NRBP1: variants seen among roughly 807,000 people sequenced by gnomAD.
NRBP1 encodes the protein nuclear receptor binding protein 1, also known as nuclear receptor-binding protein.
Under a neutral mutation model 76.0 loss-of-function variants are expected in NRBP1, and 10 were observed. The observed-to-expected ratio is 0.13, with a 90% CI of 0.08 to 0.22. The LOEUF is 0.22. NRBP1 is among the 10% of genes least tolerant of loss of function. NRBP1 has a pLI of 1.00. For synonymous variants in NRBP1, 235 were observed against 240.2 expected, an observed-to-expected ratio of 0.98 and a Z score of 0.20; for missense variants, 344 against 646.0, an observed-to-expected ratio of 0.53 and a Z score of 5.07.
At chr2:27,434,845 C>G in intron 6 of NRBP1, 83 bp downstream of exon 6, 4 of 1,356,790 alleles carry the variant, frequency 2.9e-6, no homozygotes, top group East Asian at 2.3e-5. Context: ...CTCTTCTGTT[C>G]TATTCTGCCT....
At chr2:27,440,382 C>T in intron 11 of NRBP1, 21 bp from the exon 12 acceptor site, 1 of 1,489,282 alleles carries the variant, frequency 6.7e-7, no homozygotes, top group Non-Finnish European at 9.4e-7. Flanking sequence ...TCATAATATC[C>T]CACTCCATCA....
rs182300117 is a variant in NRBP1 at position 27,434,580 on chromosome 2, A to C, written c.525+20A>C. 103 of 1,609,814 alleles carry C rather than the reference A, an allele frequency of 6.4e-5. No homozygotes were observed. Among genetic ancestry groups the C allele is most frequent in the Non-Finnish European group, 8.2e-5 (97 of 1,176,124 alleles). ...GAAAAGGTATAGAAGGAGAGCAGAC[A>C]AAGTTTGAGGCTGGTTTTTGGGGGT... On this transcript the variant is annotated intron_variant, in intron 5 of 17. Coordinates refer to ENST00000379852, the MANE Select transcript of NRBP1 (RefSeq NM_013392.4).
intron 1 of NRBP1, among the ~76,000 whole-genome samples, chr2:27,431,090 G>C (rs961016430): frequency 6.6e-6 from 1 of 152,006 alleles, no homozygotes. Flanking sequence ...CATGAAGTCA[G>C]GAGATTGAAA....
At chr2:27,435,372 TAGG>T in intron 7 of NRBP1, 145 bp downstream of exon 7, 1 of 646,550 alleles carries the variant, frequency 1.5e-6, no homozygotes. Flanking sequence ...GAGTAATTAA[TAGG>T]AGAGGCCAGT....
upstream of NRBP1, chr2:27,428,609 G>T: frequency 2.5e-6 from 1 of 397,830 alleles, no homozygotes; most frequent in Non-Finnish European, 4.4e-6. Context: ...TCCGGGCGCC[G>T]CGAGGGCGGG....
rs1664216787 is a variant in NRBP1 at position 27,434,147 on chromosome 2, A to C, written c.435+57A>C. On this transcript the variant is annotated intron_variant, in intron 4 of 17. Transcript: ENST00000379852. ...TATTGCAAAGAGACTAGCTACATTTATTATTGTTCCTTTTACACTCAGAGA... is the reference window on the plus strand; with the variant it reads ...TATTGCAAAGAGACTAGCTACATTTCTTATTGTTCCTTTTACACTCAGAGA... 2.3e-6 allele frequency: 3 copies of C among 1,304,726 alleles called. No homozygotes were observed. In the South Asian group the frequency reaches 3.7e-5, roughly 16 times the overall value. 80.8% of individuals were successfully genotyped at this position (1,304,726 alleles called of 1,614,324 possible). A position where few individuals can be genotyped will look rare whatever the true frequency, so the allele number is the denominator to read the frequency against.
intron 1 of NRBP1, chr2:27,431,537 A>C (rs1664115235): frequency 6.7e-6 from 1 of 149,610 alleles, no homozygotes; most frequent in Non-Finnish European, 1.5e-5. Context: ...TGAGTGAATG[A>C]AAAAAAAAAT....
chr2:27,433,189 A>G, intron 1 of NRBP1, 65 bp from the exon 2 acceptor site: 1 of 1,227,880 alleles, frequency 8.1e-7, no homozygotes, highest in Non-Finnish European at 1.2e-6. Flanking sequence ...TGGATTACTA[A>G]ATCTTTACAG....
chr2:27,429,339 G>A (rs1664011950), intron 1 of NRBP1: 1 of 152,394 alleles, frequency 6.6e-6, no homozygotes, highest in Non-Finnish European at 1.5e-5. Context: ...TGTGCTGCGG[G>A]TCTCAGAGGC....
In NRBP1 at chr2:27,434,773, C is replaced by G; in HGVS notation, c.566+11C>G. 1 of 1,613,450 alleles carries G rather than the reference C, an allele frequency of 6.2e-7. No homozygotes were observed. The highest frequency in any genetic ancestry group is 8.5e-7 in the Non-Finnish European group (1 of 1,179,422). On this transcript the variant is annotated intron_variant, in intron 6 of 17. Transcript: ENST00000379852. ...CCTCTCTGCCCTAAGGTAAGTAGTA[C>G]CTGGTTAGTTTCTTACCCATATTTC...
At chr2:27,433,938 T>A in intron 3 of NRBP1, 51 bp from the exon 4 acceptor site, 1 of 1,561,890 alleles carries the variant, frequency 6.4e-7, no homozygotes, top group Non-Finnish European at 8.6e-7. Context: ...CTTCTCAGGA[T>A]TATTACAGTG....
In NRBP1 at chr2:27,436,726, G is replaced by T. The variant is rs372644446; in HGVS notation, c.662-27G>T. On this transcript the variant is annotated intron_variant, in intron 7 of 17. Transcript: ENST00000379852. ...GACTATTCTTCATTGATGATGGTCA[G>T]ATTGTGGGTGTCTCCCCTACTCCCA... 11 of 1,594,274 alleles carry T rather than the reference G, an allele frequency of 6.9e-6. No homozygotes were observed. The African/African-American group carries it at 1.3e-4, about 19-fold the overall frequency.
chr2:27,436,866 C>T (rs766263524), intron 8 of NRBP1, 30 bp downstream of exon 8: 3 of 1,594,316 alleles, frequency 1.9e-6, no homozygotes, highest in African/African-American at 2.7e-5. Context: ...CTGCCCTGTC[C>T]TCATCCCCCT....
At chr2:27,440,541 T>C in intron 12 of NRBP1, 33 bp downstream of exon 12, 4 of 1,593,198 alleles carry the variant, frequency 2.5e-6, no homozygotes, top group South Asian at 2.2e-5. Context: ...AAGGGGCAGA[T>C]TGGTCACGAC....
In NRBP1 at chr2:27,428,744, G is replaced by A. The variant is rs951228757; in HGVS notation, c.-21+13G>A. 1 of 398,122 alleles carries A rather than the reference G, an allele frequency of 2.5e-6. No homozygotes were observed. Among genetic ancestry groups the A allele is most frequent in the Non-Finnish European group, 4.4e-6 (1 of 225,776 alleles). The allele number at this position is 398,122 out of a possible 1,614,324, so 24.7% of individuals were successfully genotyped here. On this transcript the variant is annotated intron_variant, in intron 1 of 17. Coordinates refer to ENST00000379852, the MANE Select transcript of NRBP1 (RefSeq NM_013392.4). ...GCGGAGTCGGGAGGTGAGCGCCCAG[G>A]GAAAAGAGGGCCCGGGAGGGAGGGG...
intron 1 of NRBP1, among the ~76,000 whole-genome samples, chr2:27,432,752 T>C (rs1350115291): frequency 6.6e-6 from 1 of 152,058 alleles, no homozygotes; most frequent in African/African-American, 2.4e-5. Context: ...ATTTTTAAAT[T>C]TTTTTGTAAA....
intron 8 of NRBP1, 92 bp from the exon 9 acceptor site, chr2:27,436,955 T>C (rs1165104246): frequency 1.0e-4 from 154 of 1,473,682 alleles, no homozygotes; most frequent in Non-Finnish European, 1.3e-4. Context: ...ATACAAAATA[T>C]TTTTCTTTTC....
chr2:27,438,763 T>C (rs1349362372), intron 10 of NRBP1, among the ~76,000 whole-genome samples: 1 of 152,000 alleles, frequency 6.6e-6, no homozygotes, highest in Non-Finnish European at 1.5e-5. Flanking sequence ...AGTTCGAGAC[T>C]AGCCTGGGCA....
intron 1 of NRBP1, among the ~76,000 whole-genome samples, chr2:27,428,949 G>T (rs1231059379): frequency 6.6e-6 from 1 of 151,936 alleles, no homozygotes; most frequent in Non-Finnish European, 1.5e-5. Context: ...TCTCTGGCTT[G>T]GCGGCGGCGC....
Sources: gnomAD v4.1 joint callset for allele counts (sites outside exome capture counted in the v4.1 genomes callset) on GRCh38, gnomAD v4.1.1 for gene constraint, MANE v1.5 for transcripts, NCBI Gene and HGNC (gene_info 2026-07-23, HGNC 2026-07-21) for gene names.